FBXO31: variants seen among roughly 807,000 people sequenced by gnomAD.
The protein encoded by FBXO31 is F-box only protein 31.
FBXO31 carries 24 observed loss-of-function variants against 54.4 expected under a neutral mutation model. That is an observed-to-expected ratio of 0.44 (90% CI 0.32 to 0.62). FBXO31 has a LOEUF of 0.62. Ranked by LOEUF, FBXO31 falls within the 20% of genes least tolerant of loss-of-function variation. The probability of loss-of-function intolerance (pLI) is 0.05; values close to 1 mark genes in which losing one functional copy is unlikely to be tolerated. For synonymous variants in FBXO31, 388 were observed against 335.6 expected (o/e 1.16, Z -1.71); for missense variants, 665 against 787.1 (o/e 0.84, Z 1.86).
chr16:87,370,605 T>G (rs1906559503), intron 1 of FBXO31, among the ~76,000 whole-genome samples: 1 of 151,800 alleles, frequency 6.6e-6, no homozygotes, highest in East Asian at 2.0e-4. Context: ...GGCAGTGGGG[T>G]GACCCTGGGC....
intron 2 of FBXO31, among the ~76,000 whole-genome samples, chr16:87,352,594 G>A (rs1334998880): frequency 6.6e-6 from 1 of 152,176 alleles, no homozygotes; most frequent in Non-Finnish European, 1.5e-5. Context: ...ACAGGTGTGG[G>A]AAGAGGCCAG....
At position 87,346,957 on chromosome 16, in the gene FBXO31, C is replaced by T. The variant is rs997226609; in HGVS notation, c.489+217G>A. On this transcript the variant is annotated intron_variant, in intron 3 of 8. Coordinates refer to ENST00000311635, the MANE Select transcript of FBXO31 (RefSeq NM_024735.5). The surrounding 1 kb of genome is among the most constrained non-coding windows in gnomAD (Gnocchi z 4.2). ...CCCCTCAGACCAGAGAGTCCAAGGA[C>T]GGGCCACAAGGCCGAAGTGTTGCTC... Among the ~76,000 whole-genome samples, 9 of 152,234 alleles carry T rather than the reference C, an allele frequency of 5.9e-5. No homozygotes were observed. The highest frequency in any genetic ancestry group is 1.3e-4 in the Non-Finnish European group (9 of 68,040).
At chr16:87,368,712 C>G (rs1441584274) in intron 1 of FBXO31, among the ~76,000 whole-genome samples, 3 of 151,588 alleles carry the variant, frequency 2.0e-5, no homozygotes, top group Non-Finnish European at 4.4e-5. Context: ...CAGATAACCT[C>G]AGTCCAACAT....
rs1327869649 is a variant in FBXO31, at chr16:87,327,793, A to C, written c.*3495T>G. 1 of 152,242 alleles carries C rather than the reference A, an allele frequency of 6.6e-6. No individual in the cohort carries two copies. The highest frequency in any genetic ancestry group is 2.4e-5 in the African/African-American group (1 of 41,454). The allele number at this position is 152,242 out of a possible 1,614,324, so 9.4% of individuals were successfully genotyped here. On this transcript the variant is annotated 3_prime_UTR_variant, in exon 9 of 9. Transcript: ENST00000311635. ...TACAGACAGGTTGGGCCACGTTAAC[A>C]CTGGACTTGATCATGATTCCAGGAG...
intron 1 of FBXO31, among the ~76,000 whole-genome samples, chr16:87,366,058 C>A (rs181685755): frequency 6.6e-6 from 1 of 151,990 alleles, no homozygotes; most frequent in Admixed American, 6.6e-5. Context: ...AAAAACAAAT[C>A]GGTCAACGTC....
chr16:87,351,275 G>C (rs1325505600), intron 2 of FBXO31, among the ~76,000 whole-genome samples: 1 of 152,228 alleles, frequency 6.6e-6, no homozygotes, highest in Admixed American at 6.5e-5. Flanking sequence ...GTCAAGAGCA[G>C]AGCTGGACAC....
Position 87,334,046 on chromosome 16 carries a change from T to A in FBXO31, c.1237A>T (p.Ser413Cys). 1 of 1,612,412 alleles carries A rather than the reference T, an allele frequency of 6.2e-7. No individual in the cohort carries two copies. Among genetic ancestry groups the A allele is most frequent in the Non-Finnish European group, 8.5e-7 (1 of 1,179,618 alleles). Residue 413 changes from serine to cysteine, a missense_variant, in exon 8 of 9, where the codon AGC (serine) becomes TGC (cysteine). By Grantham distance (112) the Ser-to-Cys change is moderately radical. Transcript: ENST00000311635. ...SPAQPRAEAPSKGPDGTPGED... is the reference protein window; with the variant it reads ...SPAQPRAEAPCKGPDGTPGED... ...CCAGGTGTCCCATCTGGGCCCTTGC[T>A]GGGCGCCTCTGCCCTGGGCTGGGCA...
intron 2 of FBXO31, among the ~76,000 whole-genome samples, chr16:87,359,647 A>G (rs533148617): frequency 6.6e-6 from 1 of 152,356 alleles, no homozygotes; most frequent in Non-Finnish European, 1.5e-5. Context: ...GGTATGAGAC[A>G]CTCACAGAAA....
rs1264463121 is a variant in FBXO31, at chr16:87,331,456, G to T, written c.1452C>A (p.Thr484=). 3.7e-6 allele frequency: 6 copies of T among 1,613,562 alleles called. No homozygotes were observed. Among genetic ancestry groups the T allele is most frequent in the Non-Finnish European group, 5.1e-6 (6 of 1,179,886 alleles). Residue 484 remains threonine, a synonymous_variant, in exon 9 of 9, where the codon ACC becomes ACA. Coordinates refer to ENST00000311635, the MANE Select transcript of FBXO31 (RefSeq NM_024735.5). ...CATCGAAGAGGATGAAGACCCCGGG[G>T]GTGCGTTCAGGGCTGGTGAAGCCGT... ...AGHGFTSPER[T]PGVFILFDED...
At chr16:87,376,907 C>T (rs1469536747) in intron 1 of FBXO31, among the ~76,000 whole-genome samples, 1 of 152,206 alleles carries the variant, frequency 6.6e-6, no homozygotes. Context: ...AACTAAGACC[C>T]GATCTATCTC....
Position 87,345,974 on chromosome 16 carries a change from G to A in FBXO31, c.489+1200C>T, listed in dbSNP as rs1210610242. Among the ~76,000 whole-genome samples the A allele has an allele frequency of 2.0e-5, 3 of 152,248 alleles. No individual in the cohort carries two copies. Among genetic ancestry groups the A allele is most frequent in the Non-Finnish European group, 4.4e-5 (3 of 68,046 alleles). On this transcript the variant is annotated intron_variant, in intron 3 of 8. Coordinates refer to ENST00000311635, the MANE Select transcript of FBXO31 (RefSeq NM_024735.5). The surrounding 1 kb of genome is among the most constrained non-coding windows in gnomAD (Gnocchi z 4.9). ...ACAGGCAGTTGCACGAGGCACCTGCGGAATCCTGAGTGAGGGGTGGGAGGT... is the reference window on the plus strand; with the variant it reads ...ACAGGCAGTTGCACGAGGCACCTGCAGAATCCTGAGTGAGGGGTGGGAGGT...
intron 1 of FBXO31, among the ~76,000 whole-genome samples, chr16:87,380,647 C>G (rs1207047730): frequency 4.6e-5 from 7 of 152,146 alleles, no homozygotes; most frequent in African/African-American, 1.2e-4. Flanking sequence ...CTTGGCCTGC[C>G]AAAGTGTGTT....
chr16:87,338,156 G>C lies in FBXO31; in HGVS notation c.733-1892C>G, dbSNP rs892708344. Among the ~76,000 whole-genome samples the C allele has an allele frequency of 1.3e-5, 2 of 151,284 alleles. No homozygotes were observed. The highest frequency in any genetic ancestry group is 4.9e-5 in the African/African-American group (2 of 41,102). On this transcript the variant is annotated intron_variant, in intron 5 of 8. Coordinates refer to ENST00000311635, the MANE Select transcript of FBXO31 (RefSeq NM_024735.5). The surrounding 1 kb of genome is among the most constrained non-coding windows in gnomAD (Gnocchi z 4.3). The stretch of plus-strand genomic sequence containing the variant: ...GTCCAAGCAACGGGACCACCAACCA[G>C]ACCCTGTTACCCAGAATAAGGCCGT...
rs1408355199 is a variant in FBXO31, at chr16:87,336,051, C to T, written c.842+104G>A. ...AGGAGAGAGGGCTGAACCCCAGCAC[C>T]CACTGAGACAAAGGACTATGCCCCA... is the stretch of plus-strand genomic sequence containing the variant. On this transcript the variant is annotated intron_variant, in intron 6 of 8. Transcript: ENST00000311635. This position sits in a 1 kb window ranked among gnomAD's most constrained non-coding sequence, Gnocchi z 6.5. 5.7e-6 allele frequency: 5 copies of T among 878,500 alleles called. No homozygotes were observed. The highest frequency in any genetic ancestry group is 8.9e-6 in the Non-Finnish European group (5 of 561,592). The allele number at this position is 878,500 out of a possible 1,614,324, so 54.4% of individuals were successfully genotyped here. A position where few individuals can be genotyped will look rare whatever the true frequency, so the allele number is the denominator to read the frequency against.
chr16:87,362,476 T>C (rs1003211009), intron 1 of FBXO31: 1 of 152,106 alleles, frequency 6.6e-6, no homozygotes, highest in African/African-American at 2.4e-5. Flanking sequence ...TACCATTCAT[T>C]CATTTATTTA....
rs984302848 is a variant in FBXO31 at position 87,360,312 on chromosome 16, C to T, written c.395G>A (p.Arg132Gln). Residue 132 changes from arginine to glutamine, a missense_variant, in exon 2 of 9, where the codon CGG (arginine) becomes CAG (glutamine). By Grantham distance (43) the Arg-to-Gln change is conservative (BLOSUM62 1). Around this residue, in one of 4 missense-constraint regions of FBXO31, gnomAD observed 234 missense variants for 346.8 expected, o/e 0.67. Transcript: ENST00000311635. Reference sequence around the variant, plus strand: ...TCACTCACGCTTCGCATAGACGTCCCGACAAGACACGCCTGTGATCTCCAG... The same window carrying T: ...TCACTCACGCTTCGCATAGACGTCCTGACAAGACACGCCTGTGATCTCCAG... Reference protein sequence around the residue: ...RKLEITGVSCRDVYAKLLHRY... With the variant: ...RKLEITGVSCQDVYAKLLHRY... The T allele has an allele frequency of 9.3e-6, 15 of 1,614,052 alleles. No homozygotes were observed. Among genetic ancestry groups the T allele is most frequent in the African/African-American group, 1.3e-5 (1 of 74,924 alleles).
rs1390511431 is a variant in FBXO31 at position 87,338,618 on chromosome 16, A to G, written c.733-2354T>C. 6.6e-6 allele frequency among the ~76,000 whole-genome samples: 1 copy of G among 152,170 alleles called. No homozygotes were observed. The highest frequency in any genetic ancestry group is 1.5e-5 in the Non-Finnish European group (1 of 68,014). On this transcript the variant is annotated intron_variant, in intron 5 of 8. Transcript: ENST00000311635. The surrounding 1 kb of genome is among the most constrained non-coding windows in gnomAD (Gnocchi z 4.3). ...GCTGAGGGAACCCACAACCCTGGGA[A>G]CATCATCAGATCATGCCAGTGACGC...
Position 87,383,381 on chromosome 16 carries a change from G to GCCCCCC in FBXO31, c.340+23_340+24insGGGGGG. 91 of 1,417,516 alleles carry GCCCCCC rather than the reference G, an allele frequency of 6.4e-5. No individual in the cohort carries two copies. Among genetic ancestry groups the GCCCCCC allele is most frequent in the Middle Eastern group, 4.9e-4 (2 of 4,076 alleles). The allele number at this position is 1,417,516 out of a possible 1,614,324, so 87.8% of individuals were successfully genotyped here. Reference sequence around the variant, plus strand: ...TGGCAGGGACCCCCCGCCCCTCCCGGCCCCGCCACCCCCGCGCGCTCACCC... The same window carrying GCCCCCC: ...TGGCAGGGACCCCCCGCCCCTCCCGGCCCCCCCCCCGCCACCCCCGCGCGCTCACCC... On this transcript the variant is annotated intron_variant, in intron 1 of 8. Transcript: ENST00000311635. This position sits in a 1 kb window ranked among gnomAD's most constrained non-coding sequence, Gnocchi z 4.9.
At chr16:87,375,122 C>T (rs543379581) in intron 1 of FBXO31, among the ~76,000 whole-genome samples, 7 of 152,124 alleles carry the variant, frequency 4.6e-5, no homozygotes, top group Admixed American at 2.6e-4. Context: ...ATCAAGAACA[C>T]GGTTAAACCC....
Sources: gnomAD v4.1 joint callset for allele counts (sites outside exome capture counted in the v4.1 genomes callset) on GRCh38, gnomAD v4.1.1 for gene constraint, gnomAD v4.1.1 regional missense constraint, Gnocchi (gnomAD v3.1) non-coding constraint, MANE v1.5 for transcripts, NCBI Gene and HGNC (gene_info 2026-07-23, HGNC 2026-07-21) for gene names.